Variants in TAF3 observed in about 807,000 individuals in gnomAD.
The protein encoded by TAF3 is TATA-box binding protein associated factor 3.
TAF3 carries 7 observed loss-of-function variants against 80.6 expected under a neutral mutation model. The observed-to-expected ratio is 0.09, with a 90% CI of 0.05 to 0.16. TAF3 has a LOEUF of 0.16. Among genes scored for constraint, TAF3 ranks in the 10% least tolerant of loss-of-function variants. The pLI, the probability that TAF3 is intolerant of heterozygous loss-of-function variation, is 1.00. For synonymous variants in TAF3, 444 were observed against 446.1 expected (o/e 1.00, Z 0.06); for missense variants, 921 against 1,140.2 (o/e 0.81, Z 2.77).
chr10:7,825,445 G>A (rs1245760213), intron 2 of TAF3, among the ~76,000 whole-genome samples: 1 of 152,126 alleles, frequency 6.6e-6, no homozygotes, highest in African/African-American at 2.4e-5. Context: ...CAGAACTTTT[G>A]TTCCCTCCCA....
At chr10:7,857,379 A>G (rs562589988) in intron 2 of TAF3, among the ~76,000 whole-genome samples, 9 of 152,304 alleles carry the variant, frequency 5.9e-5, no homozygotes, top group African/African-American at 2.2e-4. Flanking sequence ...GTTTCTTCCC[A>G]CTGCCCCCTT....
At chr10:7,887,055 G>A (rs1354968319) in intron 2 of TAF3, among the ~76,000 whole-genome samples, 1 of 152,010 alleles carries the variant, frequency 6.6e-6, no homozygotes, top group East Asian at 1.9e-4. Context: ...CTAACATGGT[G>A]AAACCTCGTC....
At chr10:8,014,031 T>C (rs987077985) in intron 6 of TAF3, among the ~76,000 whole-genome samples, 194 bp downstream of exon 6, 5 of 152,230 alleles carry the variant, frequency 3.3e-5, no homozygotes, top group South Asian at 4.1e-4. Context: ...ACTATTGTTA[T>C]TCACCCTAAA....
intron 2 of TAF3, among the ~76,000 whole-genome samples, chr10:7,935,786 G>C (rs1837913854): frequency 6.6e-6 from 1 of 152,162 alleles, no homozygotes; most frequent in Non-Finnish European, 1.5e-5. Context: ...CAGGCCTTGA[G>C]GCTGAAGACT....
At chr10:7,842,332 T>A (rs1203962116) in intron 2 of TAF3, among the ~76,000 whole-genome samples, 3 of 151,898 alleles carry the variant, frequency 2.0e-5, no homozygotes, top group African/African-American at 7.3e-5. Context: ...ACTAATTTTT[T>A]AATTTTTTGT....
chr10:7,918,975 C>T (rs1314349032), intron 2 of TAF3, among the ~76,000 whole-genome samples: 1 of 152,080 alleles, frequency 6.6e-6, no homozygotes, highest in Admixed American at 6.5e-5. Context: ...GAAATTGCTA[C>T]CAGTTGAGGG....
rs749491126 is a variant in TAF3, at chr10:7,964,828, G to T, written c.1318G>T (p.Ala440Ser). 6.2e-7 allele frequency: 1 copy of T among 1,614,080 alleles called. No individual in the cohort carries two copies. The highest frequency in any genetic ancestry group is 1.7e-5 in the Admixed American group (1 of 60,010). The change falls in exon 3 of 7, where the codon GCG becomes TCG. Residue 440 changes from alanine to serine, a missense_variant. Physicochemically the swap from Ala to Ser is moderately conservative, Grantham distance 99 (BLOSUM62 1). Around this residue, in one of 6 missense-constraint regions of TAF3, gnomAD observed 743 missense variants for 821.0 expected, o/e 0.90. Transcript: ENST00000344293. This position sits in a 1 kb window ranked among gnomAD's most constrained non-coding sequence, Gnocchi z 4.1. ...TACTACTCCCAAAGCTTCCACTTCC[G>T]CGAACAATTTCACAAAGTCAGGATC... ...ECTTPKASTS[A>S]NNFTKSGSTP...
intron 2 of TAF3, among the ~76,000 whole-genome samples, chr10:7,849,841 G>A (rs886508401): frequency 2.4e-4 from 36 of 152,064 alleles, no homozygotes; most frequent in African/African-American, 8.7e-4. Context: ...CACCATGTCT[G>A]TCTAATTTGT....
chr10:7,963,647 C>G (rs984986419), intron 2 of TAF3, among the ~76,000 whole-genome samples: 1 of 151,918 alleles, frequency 6.6e-6, no homozygotes, highest in Non-Finnish European at 1.5e-5. Context: ...CATCACACAT[C>G]GGCACCTGTT....
At chr10:7,953,462 T>A (rs1388040590) in intron 2 of TAF3, among the ~76,000 whole-genome samples, 1 of 152,164 alleles carries the variant, frequency 6.6e-6, no homozygotes, top group African/African-American at 2.4e-5. Flanking sequence ...GGAGGTCAGA[T>A]GTCAGTATTC....
chr10:7,899,758 G>A (rs1256736595), intron 2 of TAF3, among the ~76,000 whole-genome samples: 1 of 152,194 alleles, frequency 6.6e-6, no homozygotes. Context: ...TCATGTTTTT[G>A]AAGATCACGT....
intron 2 of TAF3, among the ~76,000 whole-genome samples, chr10:7,915,450 C>T (rs11255441): frequency 0.56 from 80,385 of 143,460 alleles, 23,834 homozygotes; most frequent in East Asian, 0.7. Flanking sequence ...CGAGACCATC[C>T]TGGCTAACAC....
chr10:7,966,896 A>G (rs1831576367), intron 3 of TAF3, among the ~76,000 whole-genome samples: 1 of 152,230 alleles, frequency 6.6e-6, no homozygotes, highest in Non-Finnish European at 1.5e-5. Flanking sequence ...TCTGATATCA[A>G]TAACTGAACA....
chr10:7,850,924 C>A (rs995904281), intron 2 of TAF3, among the ~76,000 whole-genome samples: 1 of 152,018 alleles, frequency 6.6e-6, no homozygotes, highest in African/African-American at 2.4e-5. Context: ...GTTCTTTCAG[C>A]ACATATTTAT....
At chr10:7,988,752 G>GGA (rs771943432) in intron 4 of TAF3, among the ~76,000 whole-genome samples, 1 of 92,886 alleles carries the variant, frequency 1.1e-5, no homozygotes, top group Non-Finnish European at 2.0e-5. Context: ...CTGTCTCTCA[G>GGA]AAAAAAAAAA....
intron 2 of TAF3, among the ~76,000 whole-genome samples, chr10:7,942,280 C>T (rs868846807): frequency 1.3e-5 from 2 of 152,148 alleles, no homozygotes; most frequent in Non-Finnish European, 1.5e-5. Flanking sequence ...ATAAATATTA[C>T]TTATCTGAAA....
chr10:7,953,780 A>G (rs474388), intron 2 of TAF3, among the ~76,000 whole-genome samples: 4 of 152,094 alleles, frequency 2.6e-5, no homozygotes, highest in African/African-American at 4.8e-5. Context: ...CATCATAGGC[A>G]AATGAATGAA....
At chr10:7,934,060 T>A (rs1837893940) in intron 2 of TAF3, among the ~76,000 whole-genome samples, 1 of 152,104 alleles carries the variant, frequency 6.6e-6, no homozygotes, top group African/African-American at 2.4e-5. Context: ...TTTCTAACAC[T>A]CTCGATAGCG....
intron 4 of TAF3, among the ~76,000 whole-genome samples, chr10:7,993,914 T>A (rs554156018): frequency 7.0e-6 from 1 of 142,392 alleles, no homozygotes; most frequent in East Asian, 2.0e-4. Context: ...TACTTGCCAG[T>A]CTTCAGTGAA....
Sources: gnomAD v4.1 joint callset for allele counts (sites outside exome capture counted in the v4.1 genomes callset) on GRCh38, gnomAD v4.1.1 for gene constraint, gnomAD v4.1.1 regional missense constraint, Gnocchi (gnomAD v3.1) non-coding constraint, MANE v1.5 for transcripts, NCBI Gene and HGNC (gene_info 2026-07-23, HGNC 2026-07-21) for gene names.